Variants in ALG14 observed in about 807,000 individuals in gnomAD.
ALG14 encodes the protein ALG14 UDP-N-acetylglucosaminyltransferase subunit.
In ALG14, 17 loss-of-function variants were observed where a neutral mutation model predicts 22.8. That is an observed-to-expected ratio of 0.75 (90% CI 0.51 to 1.12). The LOEUF (loss-of-function observed/expected upper bound fraction) is 1.12. Among genes scored for constraint, ALG14 ranks in the 50% most tolerant of loss-of-function variants. The pLI is 0.00. For missense variants in ALG14, 288 were observed against 271.8 expected (o/e 1.06, Z -0.42); for synonymous variants, 89 against 103.7 (o/e 0.86, Z 0.86).
intron 2 of ALG14, among the ~76,000 whole-genome samples, chr1:95,049,708 C>T (rs138810182): frequency 1.3e-5 from 2 of 151,542 alleles, no homozygotes; most frequent in Non-Finnish European, 1.5e-5. Context: ...CCTGTTACTA[C>T]AAAATATCAA....
At chr1:95,006,204 T>C (rs1040461311) in intron 3 of ALG14, among the ~76,000 whole-genome samples, 16 of 152,218 alleles carry the variant, frequency 1.1e-4, no homozygotes, top group African/African-American at 3.1e-4. Flanking sequence ...ATGCACTTGA[T>C]TATGCCTCCT....
rs1305021576 is a variant in ALG14 at position 95,055,831 on chromosome 1, A to T, written c.288+9035T>A. On this transcript the variant is annotated intron_variant, in intron 2 of 3. Transcript: ENST00000370205. ...CATGGTGAAATCCCGTCTCTACTAA[A>T]AAAAAAAAAAAAAAAAAAAAAAAAA... Among the ~76,000 whole-genome samples the T allele has an allele frequency of 3.7e-3, 193 of 52,332 alleles. 2 individuals carry two copies. The highest frequency in any genetic ancestry group is 0.019 in the African/African-American group (184 of 9,448). 34.3% of individuals were successfully genotyped at this position (52,332 alleles called of 152,430 possible).
chr1:95,028,240 C>G (rs1225278708), intron 2 of ALG14, among the ~76,000 whole-genome samples: 1 of 152,178 alleles, frequency 6.6e-6, no homozygotes, highest in Non-Finnish European at 1.5e-5. Flanking sequence ...CTTGACCTCC[C>G]TGGGCTCAGG....
intron 2 of ALG14, among the ~76,000 whole-genome samples, chr1:95,047,978 T>A (rs989172684): frequency 6.6e-6 from 1 of 152,098 alleles, no homozygotes; most frequent in Non-Finnish European, 1.5e-5. Context: ...CCTGACTCTT[T>A]AAGAGAAAAC....
At chr1:95,015,376 T>C (rs1030627724) in intron 3 of ALG14, among the ~76,000 whole-genome samples, 3 of 152,184 alleles carry the variant, frequency 2.0e-5, no homozygotes, top group African/African-American at 7.2e-5. Context: ...AGCTTGGTTT[T>C]TGACTCTTAA....
At position 94,982,153 on chromosome 1, in the gene ALG14, C is replaced by T. The variant is rs1196286508; in HGVS notation, c.*923G>A. 1.4e-5 allele frequency: 2 copies of T among 141,178 alleles called. No homozygotes were observed. The highest frequency in any genetic ancestry group is 5.3e-5 in the African/African-American group (2 of 37,878). The allele number at this position is 141,178 out of a possible 1,614,324, so 8.7% of individuals were successfully genotyped here. Reference sequence around the variant, plus strand: ...TTTTTTTTTTTGAGACGAAGTTTCACTCTTGTCACCCAGGCTGGATGGAGT... The same window carrying T: ...TTTTTTTTTTTGAGACGAAGTTTCATTCTTGTCACCCAGGCTGGATGGAGT... On this transcript the variant is annotated 3_prime_UTR_variant, in exon 4 of 4. Transcript: ENST00000370205.
At chr1:94,988,026 CTTTA>C (rs2100716313) in intron 3 of ALG14, among the ~76,000 whole-genome samples, 1 of 152,286 alleles carries the variant, frequency 6.6e-6, no homozygotes, top group South Asian at 2.1e-4. Context: ...GCAGGGAAAG[CTTTA>C]TTGAGCTCCT....
chr1:95,044,048 A>G (rs773536369), intron 2 of ALG14, among the ~76,000 whole-genome samples: 9 of 152,172 alleles, frequency 5.9e-5, no homozygotes, highest in Non-Finnish European at 1.0e-4. Flanking sequence ...CAGACATCCC[A>G]GGGTTGGTGA....
intron 3 of ALG14, among the ~76,000 whole-genome samples, chr1:95,007,254 T>A (rs1452814909): frequency 6.6e-6 from 1 of 152,218 alleles, no homozygotes; most frequent in East Asian, 1.9e-4. Flanking sequence ...TGAAAAAATG[T>A]AGGTCTGGCT....
chr1:95,023,528 CGTGA>C (rs1673725723), intron 3 of ALG14, among the ~76,000 whole-genome samples: 1 of 152,020 alleles, frequency 6.6e-6, no homozygotes, highest in African/African-American at 2.4e-5. Flanking sequence ...TCATACAAAG[CGTGA>C]GTGAGTGTAG....
chr1:95,017,786 T>C (rs1164645403), intron 3 of ALG14, among the ~76,000 whole-genome samples: 1 of 152,122 alleles, frequency 6.6e-6, no homozygotes, highest in Non-Finnish European at 1.5e-5. Context: ...ATCGACATCA[T>C]AATTCAAGCA....
At chr1:95,036,206 G>A (rs1368427893) in intron 2 of ALG14, among the ~76,000 whole-genome samples, 1 of 152,072 alleles carries the variant, frequency 6.6e-6, no homozygotes, top group Non-Finnish European at 1.5e-5. Context: ...TAACCCCCAT[G>A]GGAAGGACCA....
intron 3 of ALG14, among the ~76,000 whole-genome samples, chr1:95,020,048 T>C (rs2893274): frequency 0.54 from 81,398 of 151,538 alleles, 22,476 homozygotes; most frequent in East Asian, 0.82. Context: ...TAAAACCCCA[T>C]CTCTACTAAA....
chr1:94,984,385 G>T (rs953231463), intron 3 of ALG14, among the ~76,000 whole-genome samples: 1 of 152,092 alleles, frequency 6.6e-6, no homozygotes, highest in Non-Finnish European at 1.5e-5. Flanking sequence ...GACTCTCCCC[G>T]ACAGAAAGAG....
At position 95,013,979 on chromosome 1, in the gene ALG14, T is replaced by G. The variant is rs575977921; in HGVS notation, c.420+13150A>C. ...CATTTCCAAATTTATGATTCCCCACTTGAATTATGCAATTCCATTATGAAG... is the reference window on the plus strand; with the variant it reads ...CATTTCCAAATTTATGATTCCCCACGTGAATTATGCAATTCCATTATGAAG... On this transcript the variant is annotated intron_variant, in intron 3 of 3. Transcript: ENST00000370205. Among the ~76,000 whole-genome samples the G allele has an allele frequency of 3.9e-5, 6 of 152,240 alleles. No individual in the cohort carries two copies. In the South Asian group the frequency reaches 1.2e-3, roughly 32 times the overall value.
intron 3 of ALG14, among the ~76,000 whole-genome samples, chr1:94,987,468 T>C (rs1239750455): frequency 6.6e-6 from 1 of 152,104 alleles, no homozygotes; most frequent in African/African-American, 2.4e-5. Context: ...ATACTAAAAA[T>C]AATATGTTAT....
intron 3 of ALG14, among the ~76,000 whole-genome samples, chr1:95,006,070 C>T (rs910659330): frequency 1.3e-5 from 2 of 152,142 alleles, no homozygotes; most frequent in Admixed American, 1.3e-4. Flanking sequence ...AAGCTGTTCA[C>T]CATTTTAAAA....
chr1:94,977,787 T>A lies in ALG14; in HGVS notation c.*5289A>T, dbSNP rs1672424334. The A allele has an allele frequency of 6.6e-6, 1 of 152,032 alleles. No individual in the cohort carries two copies. The highest frequency in any genetic ancestry group is 1.5e-5 in the Non-Finnish European group (1 of 68,080). 9.4% of individuals were successfully genotyped at this position (152,032 alleles called of 1,614,324 possible). The stretch of plus-strand genomic sequence containing the variant: ...CCTCAGCCTCCCAAGTAGCTGGAAC[T>A]ATAGGTGTGCATCACCATGCCTGGC... On this transcript the variant is annotated 3_prime_UTR_variant, in exon 4 of 4. Transcript: ENST00000370205.
Position 94,978,492 on chromosome 1 carries a change from T to C in ALG14, c.*4584A>G, listed in dbSNP as rs1266752552. On this transcript the variant is annotated 3_prime_UTR_variant, in exon 4 of 4. Transcript: ENST00000370205. ...GAAGACAAACATAAATAATCAGCAA[T>C]AGCATTCATTATTCCTTCCACAGGT... 1 of 152,172 alleles carries C rather than the reference T, an allele frequency of 6.6e-6. No homozygotes were observed. The highest frequency in any genetic ancestry group is 2.4e-5 in the African/African-American group (1 of 41,440). The allele number at this position is 152,172 out of a possible 1,614,324, so 9.4% of individuals were successfully genotyped here. A position where few individuals can be genotyped will look rare whatever the true frequency, so the allele number is the denominator to read the frequency against.
Sources: gnomAD v4.1 joint callset for allele counts (sites outside exome capture counted in the v4.1 genomes callset) on GRCh38, gnomAD v4.1.1 for gene constraint, MANE v1.5 for transcripts, NCBI Gene and HGNC (gene_info 2026-07-23, HGNC 2026-07-21) for gene names.